The following HOXC4 variants were observed in gnomAD, a reference collection of about 807,000 sequenced individuals.
The protein encoded by HOXC4 is homeobox C4, also known as homeobox protein Hox-C4.
A neutral mutation model predicts 25.5 loss-of-function variants in HOXC4; 15 were observed. That is an observed-to-expected ratio of 0.59 (90% CI 0.39 to 0.91). HOXC4 has a LOEUF of 0.91. Ranked by LOEUF, HOXC4 falls within the 40% of genes least tolerant of loss-of-function variation. The pLI is 0.00. For missense variants in HOXC4, 342 were observed against 352.4 expected (o/e 0.97, Z 0.24); for synonymous variants, 165 against 148.0 (o/e 1.11, Z -0.83).
At chr12:54,042,814 C>G (rs1022659646) in intron 1 of HOXC4, among the ~76,000 whole-genome samples, 2 of 152,200 alleles carry the variant, frequency 1.3e-5, no homozygotes, top group Non-Finnish European at 2.9e-5. Flanking sequence ...TCCTACCCCT[C>G]CCAACTTTTA....
At position 54,053,869 on chromosome 12, in the gene HOXC4, T is replaced by C; in HGVS notation, c.-54T>C. ...GGGTCGCTAGCTAGTAGGAGGGCTT[T>C]ATGGAGCAGAAAAACGACAAAGCGA... On this transcript the variant is annotated 5_prime_UTR_variant, in exon 1 of 2. Transcript: ENST00000430889. 2.1e-6 allele frequency: 3 copies of C among 1,450,036 alleles called. No individual in the cohort carries two copies. The South Asian group carries it at 3.7e-5, about 18-fold the overall frequency. The allele number at this position is 1,450,036 out of a possible 1,614,324, so 89.8% of individuals were successfully genotyped here.
At chr12:54,051,699 C>T (rs1289219190), upstream of HOXC4, among the ~76,000 whole-genome samples, 2 of 152,206 alleles carry the variant, frequency 1.3e-5, no homozygotes, top group African/African-American at 4.8e-5. Flanking sequence ...TCAGGGACCA[C>T]CAAGCACCAG....
chr12:54,023,185 C>G (rs778236023), intron 1 of HOXC4, among the ~76,000 whole-genome samples: 1 of 152,160 alleles, frequency 6.6e-6, no homozygotes, highest in African/African-American at 2.4e-5. Context: ...GGCTTGGGCA[C>G]CAGCCCCCAA....
chr12:54,038,647 G>A (rs952432013), intron 1 of HOXC4, among the ~76,000 whole-genome samples: 4 of 152,170 alleles, frequency 2.6e-5, no homozygotes, highest in African/African-American at 7.2e-5. Context: ...ATCTTAGTCC[G>A]TCTGAAGCCA....
chr12:54,052,773 G>A (rs1037205009), upstream of HOXC4, among the ~76,000 whole-genome samples: 2 of 152,170 alleles, frequency 1.3e-5, no homozygotes, highest in Non-Finnish European at 2.9e-5. Flanking sequence ...AAGCAGCCTG[G>A]AGCTGGCCTT....
Position 54,053,849 on chromosome 12 carries a change from G to T in HOXC4, c.-74G>T, listed in dbSNP as rs573144325. The stretch of plus-strand genomic sequence containing the variant: ...ATGGTGAAAGTAACTTTACAGGGTC[G>T]CTAGCTAGTAGGAGGGCTTTATGGA... On this transcript the variant is annotated 5_prime_UTR_variant, in exon 1 of 2. Coordinates refer to ENST00000430889, the MANE Select transcript of HOXC4 (RefSeq NM_153633.3). 75 of 1,193,108 alleles carry T rather than the reference G, an allele frequency of 6.3e-5. No individual in the cohort carries two copies. Among genetic ancestry groups the T allele is most frequent in the Non-Finnish European group, 7.7e-5 (63 of 822,646 alleles). 73.9% of individuals were successfully genotyped at this position (1,193,108 alleles called of 1,614,324 possible).
intron 1 of HOXC4, among the ~76,000 whole-genome samples, chr12:54,048,372 AAT>A (rs1937768380): frequency 6.6e-6 from 1 of 152,022 alleles, no homozygotes; most frequent in Non-Finnish European, 1.5e-5. Context: ...GGGAAAATAA[AAT>A]AAAGACCTCC....
chr12:54,026,945 C>G (rs573890653), intron 1 of HOXC4, among the ~76,000 whole-genome samples: 69 of 138,726 alleles, frequency 5.0e-4, no homozygotes, highest in African/African-American at 1.6e-3. Context: ...TTCCCCCCCC[C>G]CAACCCACCC....
intron 1 of HOXC4, chr12:54,034,116 GGGGCTGGGCT>G (rs1165228816): frequency 1.3e-6 from 1 of 745,938 alleles, no homozygotes; most frequent in African/African-American, 1.7e-5. Flanking sequence ...CGCCTCTCCC[GGGGCTGGGCT>G]GGGCTGGCCC....
rs138158374 is a variant in HOXC4, at chr12:54,038,264, G to A, written c.-123-14896G>A. Among the ~76,000 whole-genome samples, 6 of 152,336 alleles carry A rather than the reference G, an allele frequency of 3.9e-5. No individual in the cohort carries two copies. In the East Asian group the frequency reaches 1.2e-3, roughly 29 times the overall value. Reference sequence around the variant, plus strand: ...CTCTGACTGCAAGTCAACTGGGGTAGAGAGGCCTTGGTTGTTTAGAGATTT... The same window carrying A: ...CTCTGACTGCAAGTCAACTGGGGTAAAGAGGCCTTGGTTGTTTAGAGATTT... On this transcript the variant is annotated intron_variant, in intron 1 of 3. Transcript: ENST00000303406.
chr12:54,028,851 G>T, intron 1 of HOXC4: 1 of 1,614,112 alleles, frequency 6.2e-7, no homozygotes, highest in Non-Finnish European at 8.5e-7. Context: ...AGCAGGGCAG[G>T]ACTGCGCCCC....
At chr12:54,034,600 C>A in intron 1 of HOXC4, 1 of 882,696 alleles carries the variant, frequency 1.1e-6, no homozygotes, top group Non-Finnish European at 1.7e-6. Context: ...GGTGCTGGAG[C>A]ACTGGGCTCC....
chr12:54,029,716 G>A (rs1190604258), intron 1 of HOXC4: 1 of 1,614,192 alleles, frequency 6.2e-7, no homozygotes, highest in Non-Finnish European at 8.5e-7. Flanking sequence ...ACCAGACCCT[G>A]GAACTGGAGA....
intron 1 of HOXC4, chr12:54,033,140 C>T (rs1941052152): frequency 6.2e-7 from 1 of 1,609,840 alleles, no homozygotes; most frequent in Non-Finnish European, 8.5e-7. Flanking sequence ...CCTACGTAGC[C>T]AATTCATTCT....
chr12:54,018,714 G>A (rs538397473), intron 1 of HOXC4, among the ~76,000 whole-genome samples: 2 of 151,946 alleles, frequency 1.3e-5, no homozygotes, highest in Admixed American at 6.6e-5. Context: ...TATAAACGGC[G>A]ACGCACACGC....
chr12:54,029,490 G>C (rs1319533204), intron 1 of HOXC4: 4 of 553,064 alleles, frequency 7.2e-6, no homozygotes, highest in Non-Finnish European at 1.2e-5. Context: ...GGTCCTCGCT[G>C]TACCCCCAGT....
intron 1 of HOXC4, chr12:54,033,573 C>T: frequency 2.5e-6 from 4 of 1,576,734 alleles, no homozygotes; most frequent in Non-Finnish European, 3.4e-6. Context: ...GCACATGAGC[C>T]ACGGTAAACT....
intron 1 of HOXC4, chr12:54,033,725 C>A (rs979792331): frequency 1.5e-6 from 1 of 669,424 alleles, no homozygotes; most frequent in Non-Finnish European, 2.5e-6. Context: ...GGCTTAGAGG[C>A]TGTGTGCGCC....
At chr12:54,029,689 C>T in intron 1 of HOXC4, 1 of 1,613,934 alleles carries the variant, frequency 6.2e-7, no homozygotes, top group Non-Finnish European at 8.5e-7. Context: ...GGCGCGGCCG[C>T]CAGATCTACT....
Sources: gnomAD v4.1 joint callset for allele counts (sites outside exome capture counted in the v4.1 genomes callset) on GRCh38, gnomAD v4.1.1 for gene constraint, MANE v1.5 for transcripts, NCBI Gene and HGNC (gene_info 2026-07-23, HGNC 2026-07-21) for gene names.